The following NHSL1 variants were observed in gnomAD, a reference collection of about 807,000 sequenced individuals.
The protein encoded by NHSL1 is NHS-like protein 1.
Under a neutral mutation model 95.0 loss-of-function variants are expected in NHSL1, and 48 were observed. The ratio of observed to expected loss-of-function variants is 0.51; its 90% CI spans 0.40 to 0.64. The LOEUF (loss-of-function observed/expected upper bound fraction) is 0.64. Among genes scored for constraint, NHSL1 ranks in the 30% least tolerant of loss-of-function variants. NHSL1 has a pLI of 0.00. For synonymous variants in NHSL1, 783 were observed against 833.9 expected, an observed-to-expected ratio of 0.94 and a Z score of 1.05; for missense variants, 1,971 against 2,077.7, an observed-to-expected ratio of 0.95 and a Z score of 1.00.
intron 1 of NHSL1, among the ~76,000 whole-genome samples, chr6:138,647,977 T>C (rs191263721): frequency 7.8e-4 from 119 of 152,320 alleles, no homozygotes; most frequent in African/African-American, 2.7e-3. Context: ...CCACTACTTT[T>C]AATGAGTTAT....
intron 1 of NHSL1, among the ~76,000 whole-genome samples, chr6:138,689,908 A>T (rs1024654087): frequency 5.9e-5 from 9 of 152,098 alleles, no homozygotes; most frequent in Non-Finnish European, 1.0e-4. Flanking sequence ...TTGGTCTCCC[A>T]AAGTGCTGGG....
chr6:138,449,603 G>C (rs894443827), intron 3 of NHSL1, among the ~76,000 whole-genome samples: 4 of 152,090 alleles, frequency 2.6e-5, no homozygotes, highest in Non-Finnish European at 2.9e-5. Flanking sequence ...CTTGAACTCG[G>C]GAGGCTGAGG....
At chr6:138,480,052 G>T (rs1402299957) in intron 2 of NHSL1, among the ~76,000 whole-genome samples, 1 of 152,188 alleles carries the variant, frequency 6.6e-6, no homozygotes, top group Non-Finnish European at 1.5e-5. Flanking sequence ...ATGGGAAGAT[G>T]AGGGGATGCT....
At position 138,433,343 on chromosome 6, in the gene NHSL1, A is replaced by G. The variant is rs771646985; in HGVS notation, c.1002T>C (p.Ile334=). The G allele has an allele frequency of 1.3e-6, 2 of 1,552,036 alleles. No individual in the cohort carries two copies. The highest frequency in any genetic ancestry group is 1.7e-6 in the Non-Finnish European group (2 of 1,147,050). ...SLPRSGARAN[I]QSLEPRLGAL... ...CACCCAGCCTCGGCTCAAGGGACTG[A>G]ATGTTTGCCCTTGCTCCAGAACGCG... is the stretch of plus-strand genomic sequence containing the variant. The change falls in exon 6 of 8, where the codon ATT becomes ATC. Residue 334 remains isoleucine, a synonymous_variant. Coordinates refer to ENST00000343505, the MANE Select transcript of NHSL1 (RefSeq NM_001144060.2).
chr6:138,436,507 G>C (rs977626245), intron 5 of NHSL1, among the ~76,000 whole-genome samples: 1 of 152,244 alleles, frequency 6.6e-6, no homozygotes, highest in Non-Finnish European at 1.5e-5. Context: ...GTTGTTTCAT[G>C]AGGTTGAAGG....
At chr6:138,636,206 A>G (rs1236545272) in intron 1 of NHSL1, among the ~76,000 whole-genome samples, 2 of 152,104 alleles carry the variant, frequency 1.3e-5, no homozygotes, top group African/African-American at 4.8e-5. Context: ...AGTATTTGAC[A>G]AAATTCAACA....
intron 2 of NHSL1, among the ~76,000 whole-genome samples, chr6:138,482,789 T>A (rs1303355687): frequency 6.6e-6 from 1 of 152,130 alleles, no homozygotes; most frequent in Non-Finnish European, 1.5e-5. Flanking sequence ...GAATCCTAAC[T>A]TGTAGCTTGT....
chr6:138,444,483 C>T (rs9376344), intron 4 of NHSL1, among the ~76,000 whole-genome samples: 1,739 of 152,104 alleles, frequency 0.011, 30 homozygotes, highest in East Asian at 0.052. Context: ...AAGACTATAA[C>T]TAAAGGGATT....
At chr6:138,447,232 G>T (rs1271431155) in intron 3 of NHSL1, 39 bp from the exon 4 acceptor site, 2 of 1,454,412 alleles carry the variant, frequency 1.4e-6, no homozygotes, top group East Asian at 4.9e-5. Flanking sequence ...AGTGTATAAA[G>T]AGCTGGCAGA....
At chr6:138,501,968 G>GT (rs1195559254), upstream of NHSL1, among the ~76,000 whole-genome samples, 1 of 151,912 alleles carries the variant, frequency 6.6e-6, no homozygotes, top group Admixed American at 6.6e-5. Flanking sequence ...TTTTATTGTG[G>GT]TTTTTTCCCC....
intron 1 of NHSL1, among the ~76,000 whole-genome samples, chr6:138,579,952 T>C (rs1267321561): frequency 1.3e-5 from 2 of 152,210 alleles, no homozygotes; most frequent in Non-Finnish European, 2.9e-5. Context: ...TAAATATATG[T>C]GACACATTGC....
intron 1 of NHSL1, among the ~76,000 whole-genome samples, chr6:138,646,165 A>G (rs1196036281): frequency 5.3e-5 from 8 of 152,228 alleles, no homozygotes; most frequent in African/African-American, 1.9e-4. Flanking sequence ...CAGTAATTCC[A>G]GAAACATCTT....
At chr6:138,579,880 A>G (rs1389057068) in intron 1 of NHSL1, among the ~76,000 whole-genome samples, 1 of 152,192 alleles carries the variant, frequency 6.6e-6, no homozygotes, top group Non-Finnish European at 1.5e-5. Flanking sequence ...CTTACACCGA[A>G]TATATCTGAC....
chr6:138,500,303 C>T (rs1008819842), upstream of NHSL1, among the ~76,000 whole-genome samples: 1 of 152,054 alleles, frequency 6.6e-6, no homozygotes, highest in Non-Finnish European at 1.5e-5. Context: ...GGTTCTTTTG[C>T]CCATTGGCAA....
Position 138,431,166 on chromosome 6 carries a change from G to A in NHSL1, c.3179C>T (p.Thr1060Ile). ...SLRPPSTKEE[T>I]SRPPMPLITT... ...TATCAGGGGCATGGGGGGCCTGCTGGTCTCCTCCTTGGTAGAAGGCGGCCT... is the reference window on the plus strand; with the variant it reads ...TATCAGGGGCATGGGGGGCCTGCTGATCTCCTCCTTGGTAGAAGGCGGCCT... The change falls in exon 6 of 8, where the codon ACC becomes ATC. Residue 1060 changes from threonine (T) to isoleucine (I), a missense_variant. Thr to Ile is a moderately conservative substitution (Grantham distance 89). Transcript: ENST00000343505. This position sits in a 1 kb window ranked among gnomAD's most constrained non-coding sequence, Gnocchi z 4.0. 2 of 1,551,260 alleles carry A rather than the reference G, an allele frequency of 1.3e-6. No individual in the cohort carries two copies. The highest frequency in any genetic ancestry group is 1.7e-4 in the Middle Eastern group (1 of 5,994).
intron 1 of NHSL1, chr6:138,650,087 G>A (rs146376420): frequency 5.0e-4 from 253 of 509,394 alleles, no homozygotes; most frequent in African/African-American, 4.6e-3. Flanking sequence ...TGGCAAATAT[G>A]GAAACTGAAG....
At position 138,506,786 on chromosome 6, in the gene NHSL1, T is replaced by C. The variant is rs527313240; in HGVS notation, c.17-10415A>G. ...ACATTATTAAAGGAATTTTCAAAAA[T>C]CTACAGTAAAAGTTAATACAATTAT... is the stretch of plus-strand genomic sequence containing the variant. On this transcript the variant is annotated intron_variant, in intron 1 of 4. Coordinates refer to the NHSL1 transcript ENST00000342260. 1.2e-3 allele frequency among the ~76,000 whole-genome samples: 181 copies of C among 152,294 alleles called. 1 individual carries two copies. Among genetic ancestry groups the C allele is most frequent in the Admixed American group, 4.0e-3 (61 of 15,298 alleles).
At position 138,495,295 on chromosome 6, in the gene NHSL1, AG is replaced by A. The variant is rs372255813; in HGVS notation, c.211+923del. Among the ~76,000 whole-genome samples the A allele has an allele frequency of 2.9e-4, 44 of 152,330 alleles. No individual in the cohort carries two copies. In the East Asian group the frequency reaches 7.7e-3, roughly 27 times the overall value. On this transcript the variant is annotated intron_variant, in intron 2 of 7. Transcript: ENST00000343505. The stretch of plus-strand genomic sequence containing the variant: ...GAAGTAAAAATGAGAATTTTAAACT[AG>A]ATATAGGAATACATTCTTCCTATAT...
chr6:138,473,152 A>C (rs918093875), intron 3 of NHSL1, among the ~76,000 whole-genome samples, 154 bp downstream of exon 3: 1 of 152,236 alleles, frequency 6.6e-6, no homozygotes, highest in Admixed American at 6.5e-5. Context: ...CTCTTACATA[A>C]TTATGGCGCA....
Sources: gnomAD v4.1 joint callset for allele counts (sites outside exome capture counted in the v4.1 genomes callset) on GRCh38, gnomAD v4.1.1 for gene constraint, Gnocchi (gnomAD v3.1) non-coding constraint, MANE v1.5 for transcripts, NCBI Gene and HGNC (gene_info 2026-07-23, HGNC 2026-07-21) for gene names.